Variants in CADM3 observed in about 807,000 individuals in gnomAD.
CADM3 encodes cell adhesion molecule 3.
Under a neutral mutation model 44.9 loss-of-function variants are expected in CADM3, and 11 were observed. That is an observed-to-expected ratio of 0.25 (90% CI 0.15 to 0.41). CADM3 has a LOEUF of 0.41. Ranked by LOEUF, CADM3 falls within the 10% of genes least tolerant of loss-of-function variation. The probability of loss-of-function intolerance (pLI) is 1.00; values close to 1 mark genes in which losing one functional copy is unlikely to be tolerated. For synonymous variants in CADM3, 207 were observed against 205.2 expected (o/e 1.01, Z -0.08); for missense variants, 426 against 512.0 (o/e 0.83, Z 1.62).
At position 159,193,405 on chromosome 1, in the gene CADM3, A is replaced by T. The variant is rs756846600; in HGVS notation, c.383-18A>T. 4.4e-6 allele frequency: 7 copies of T among 1,577,244 alleles called. No individual in the cohort carries two copies. In the East Asian group the frequency reaches 1.6e-4, roughly 35 times the overall value. On this transcript the variant is annotated intron_variant, in intron 3 of 8. Coordinates refer to ENST00000368125, the MANE Select transcript of CADM3 (RefSeq NM_001127173.3). Reference sequence around the variant, plus strand: ...GGGGCCTCTCCTTCCTATCCTGGCCATCCCCTATCCATGGCAGGAATTCCA... The same window carrying T: ...GGGGCCTCTCCTTCCTATCCTGGCCTTCCCCTATCCATGGCAGGAATTCCA...
In CADM3 at chr1:159,193,983, A is replaced by T; in HGVS notation, c.634A>T (p.Asn212Tyr). ...DDGASIVCSV[N>Y]HESLKGADRS... ...TGGGGCGAGCATCGTGTGCTCTGTG[A>T]ACCATGAATCTCTAAAGGGAGCTGA... is the stretch of plus-strand genomic sequence containing the variant. The change falls in exon 5 of 9, where the codon AAC (asparagine) becomes TAC (tyrosine). Residue 212 changes from asparagine to tyrosine, a missense_variant. Coordinates refer to ENST00000368125, the MANE Select transcript of CADM3 (RefSeq NM_001127173.3). The T allele has an allele frequency of 6.2e-7, 1 of 1,614,210 alleles. No individual in the cohort carries two copies. The highest frequency in any genetic ancestry group is 8.5e-7 in the Non-Finnish European group (1 of 1,180,048).
chr1:159,188,561 G>C (rs958442011), intron 1 of CADM3, among the ~76,000 whole-genome samples: 1 of 152,050 alleles, frequency 6.6e-6, no homozygotes, highest in Non-Finnish European at 1.5e-5. Flanking sequence ...AGTTCACCCG[G>C]GACTCCAAAG....
At chr1:159,189,476 G>A (rs138594692) in intron 1 of CADM3, among the ~76,000 whole-genome samples, 1 of 152,262 alleles carries the variant, frequency 6.6e-6, no homozygotes, top group African/African-American at 2.4e-5. Flanking sequence ...TCTGCGAAGT[G>A]GGAGAACTAG....
chr1:159,194,544 T>C (rs1649810937), intron 5 of CADM3: 1 of 152,840 alleles, frequency 6.5e-6, no homozygotes, highest in Non-Finnish European at 1.5e-5. Context: ...CTGAGCTTGA[T>C]TCTATATTTG....
intron 5 of CADM3, chr1:159,195,147 T>C (rs1649835926): frequency 6.6e-6 from 1 of 152,222 alleles, no homozygotes; most frequent in Admixed American, 6.5e-5. Context: ...GCATCACTAT[T>C]CATTTGGCAG....
Position 159,192,024 on chromosome 1 carries a change from C to G in CADM3, c.177C>G (p.Ser59=). 6.2e-7 allele frequency: 1 copy of G among 1,614,138 alleles called. No individual in the cohort carries two copies. ...AAGTGAAAGATCACGAGGACTCATC[C>G]CTGCAATGGTCTAACCCTGCTCAGC... ...KCQVKDHEDS[S]LQWSNPAQQT... Residue 59 remains serine (S), a synonymous_variant, in exon 2 of 9, where the codon TCC becomes TCG. Transcript: ENST00000368125.
rs1650274544 is a variant in CADM3 at position 159,202,693 on chromosome 1, T to G, written c.*1771T>G. 1 of 152,186 alleles carries G rather than the reference T, an allele frequency of 6.6e-6. No homozygotes were observed. The highest frequency in any genetic ancestry group is 2.4e-5 in the African/African-American group (1 of 41,390). The allele number at this position is 152,186 out of a possible 1,614,324, so 9.4% of individuals were successfully genotyped here. A position where few individuals can be genotyped will look rare whatever the true frequency, so the allele number is the denominator to read the frequency against. ...CCCTCCCCCAGCTTTTCCTCCCTGGTCTGACAATGGGCATGCAAAAAGGGG... is the reference window on the plus strand; with the variant it reads ...CCCTCCCCCAGCTTTTCCTCCCTGGGCTGACAATGGGCATGCAAAAAGGGG... On this transcript the variant is annotated 3_prime_UTR_variant, in exon 9 of 9. Coordinates refer to ENST00000368125, the MANE Select transcript of CADM3 (RefSeq NM_001127173.3).
At chr1:159,192,952 G>C (rs1413423615) in intron 3 of CADM3, among the ~76,000 whole-genome samples, 1 of 152,142 alleles carries the variant, frequency 6.6e-6, no homozygotes, top group African/African-American at 2.4e-5. Context: ...TACTCTCTTT[G>C]AGTCTGAATT....
chr1:159,185,418 G>C (rs1302814035), intron 1 of CADM3, among the ~76,000 whole-genome samples: 2 of 152,176 alleles, frequency 1.3e-5, no homozygotes, highest in Non-Finnish European at 2.9e-5. Flanking sequence ...CAAAATACAT[G>C]CTTCTGCAGA....
At position 159,202,252 on chromosome 1, in the gene CADM3, G is replaced by A. The variant is rs1650252236; in HGVS notation, c.*1330G>A. 1 of 152,668 alleles carries A rather than the reference G, an allele frequency of 6.6e-6. No homozygotes were observed. The highest frequency in any genetic ancestry group is 6.5e-5 in the Admixed American group (1 of 15,290). 9.5% of individuals were successfully genotyped at this position (152,668 alleles called of 1,614,324 possible). A position where few individuals can be genotyped will look rare whatever the true frequency, so the allele number is the denominator to read the frequency against. On this transcript the variant is annotated 3_prime_UTR_variant, in exon 9 of 9. Transcript: ENST00000368125. ...CCTAGTCAGGGTTCACACCTCACCT[G>A]GGATGTTGTTCCATGCTGGTATTTC...
chr1:159,180,597 G>A (rs1649194767), intron 1 of CADM3, among the ~76,000 whole-genome samples: 1 of 150,738 alleles, frequency 6.6e-6, no homozygotes, highest in South Asian at 2.1e-4. Context: ...TTTTTTAAGT[G>A]AGAAGAGTGC....
intron 7 of CADM3, among the ~76,000 whole-genome samples, chr1:159,198,991 T>C (rs1056044175): frequency 6.6e-6 from 1 of 152,092 alleles, no homozygotes; most frequent in African/African-American, 2.4e-5. Flanking sequence ...GCCTCCTCCT[T>C]GGGAAAGACT....
At chr1:159,200,025 C>G in intron 8 of CADM3, 149 bp downstream of exon 8, 5 of 987,950 alleles carry the variant, frequency 5.1e-6, no homozygotes, top group Non-Finnish European at 7.5e-6. Flanking sequence ...TGGAGCCAAC[C>G]CTATCATTGC....
At chr1:159,192,173 A>G in intron 2 of CADM3, 97 bp downstream of exon 2, 2 of 1,326,664 alleles carry the variant, frequency 1.5e-6, no homozygotes, top group Admixed American at 2.1e-5. Context: ...CCAGAGGCTG[A>G]GAAACATGGT....
At chr1:159,185,918 A>G (rs1404532870) in intron 1 of CADM3, among the ~76,000 whole-genome samples, 1 of 152,246 alleles carries the variant, frequency 6.6e-6, no homozygotes, top group Non-Finnish European at 1.5e-5. Context: ...TTTGGGAGGA[A>G]AGTCAAACTT....
At chr1:159,200,664 G>T in intron 8 of CADM3, 140 bp from the exon 9 acceptor site, 1 of 594,092 alleles carries the variant, frequency 1.7e-6, no homozygotes. Context: ...TGCGAATTAG[G>T]TAAGGTGGAG....
At chr1:159,183,081 C>T (rs1649292299) in intron 1 of CADM3, among the ~76,000 whole-genome samples, 1 of 152,168 alleles carries the variant, frequency 6.6e-6, no homozygotes, top group African/African-American at 2.4e-5. Context: ...TTTTAACCTG[C>T]TTAGGATGGA....
Position 159,189,806 on chromosome 1 carries a change from C to G in CADM3, c.89-2130C>G, listed in dbSNP as rs1649574716. 1.9e-6 allele frequency: 3 copies of G among 1,607,878 alleles called. No individual in the cohort carries two copies. In the East Asian group the frequency reaches 6.7e-5, roughly 36 times the overall value. On this transcript the variant is annotated intron_variant, in intron 1 of 8. Transcript: ENST00000368125. ...GGAGCAGGATTTGGAGCTGGGAACT[C>G]TGGCTCCACTCGACGAGGCCATCAG...
rs1382116372 is a variant in CADM3, at chr1:159,192,222, C to T, written c.229+146C>T. The stretch of plus-strand genomic sequence containing the variant: ...AGGATGTAACAAGCCATGAGTTCCC[C>T]AACTGGTTCCAGTATTGCAGCTCTG... On this transcript the variant is annotated intron_variant, in intron 2 of 8. Transcript: ENST00000368125. The T allele has an allele frequency of 9.5e-6, 8 of 845,866 alleles. 1 individual carries two copies. Among genetic ancestry groups the T allele is most frequent in the Non-Finnish European group, 1.3e-5 (7 of 553,000 alleles). 52.4% of individuals were successfully genotyped at this position (845,866 alleles called of 1,614,324 possible).
Sources: gnomAD v4.1 joint callset for allele counts (sites outside exome capture counted in the v4.1 genomes callset) on GRCh38, gnomAD v4.1.1 for gene constraint, MANE v1.5 for transcripts, NCBI Gene and HGNC (gene_info 2026-07-23, HGNC 2026-07-21) for gene names.